Variants in DCDC1 observed in about 807,000 individuals in gnomAD.
DCDC1 encodes the protein doublecortin domain containing 1, also known as doublecortin domain-containing protein 1.
A neutral mutation model predicts 178.3 loss-of-function variants in DCDC1; 200 were observed. That is an observed-to-expected ratio of 1.12 (90% CI 1.00 to 1.26). DCDC1 has a LOEUF of 1.26. DCDC1 is among the 50% of genes most tolerant of loss of function. DCDC1 has a pLI of 0.00. For missense variants in DCDC1, 1,983 were observed against 1,749.2 expected (o/e 1.13, Z -2.38); for synonymous variants, 690 against 604.8 (o/e 1.14, Z -2.07).
At chr11:31,059,744 CAGA>C (rs1440607316) in intron 20 of DCDC1, among the ~76,000 whole-genome samples, 1 of 151,974 alleles carries the variant, frequency 6.6e-6, no homozygotes, top group East Asian at 1.9e-4. Flanking sequence ...ATTTACTCAG[CAGA>C]AGGAGGAGAA....
intron 20 of DCDC1, among the ~76,000 whole-genome samples, chr11:31,002,125 T>C (rs1434229269): frequency 2.0e-5 from 3 of 152,222 alleles, no homozygotes; most frequent in African/African-American, 7.2e-5. Context: ...ATGTTACTTT[T>C]AGAAGCCACC....
intron 9 of DCDC1, among the ~76,000 whole-genome samples, chr11:31,199,884 T>C (rs1174341856): frequency 1.3e-5 from 2 of 152,090 alleles, no homozygotes; most frequent in Non-Finnish European, 2.9e-5. Flanking sequence ...TGTTTTTTCA[T>C]CATATAGGAG....
At chr11:30,865,587 T>A (rs1188914508) in intron 38 of DCDC1, among the ~76,000 whole-genome samples, 1 of 152,146 alleles carries the variant, frequency 6.6e-6, no homozygotes, top group Non-Finnish European at 1.5e-5. Flanking sequence ...ATCAATGTTA[T>A]AAAAGGGGTC....
intron 35 of DCDC1, among the ~76,000 whole-genome samples, chr11:30,893,792 AT>A (rs1292481756): frequency 6.6e-6 from 1 of 152,152 alleles, no homozygotes; most frequent in Non-Finnish European, 1.5e-5. Flanking sequence ...TGACTTTTTT[AT>A]GTCTGGCAAT....
chr11:31,179,508 A>G (rs1968500879), intron 9 of DCDC1, among the ~76,000 whole-genome samples: 1 of 152,184 alleles, frequency 6.6e-6, no homozygotes, highest in African/African-American at 2.4e-5. Flanking sequence ...AAAGAAGGAA[A>G]TGCTGTCATT....
chr11:31,233,829 G>A (rs1192951610), intron 9 of DCDC1, among the ~76,000 whole-genome samples: 1 of 152,150 alleles, frequency 6.6e-6, no homozygotes, highest in Non-Finnish European at 1.5e-5. Context: ...TGGAGTATCT[G>A]ACCGAATTTT....
intron 1 of DCDC1, among the ~76,000 whole-genome samples, chr11:31,358,107 CA>C (rs1348173029): frequency 6.7e-6 from 1 of 149,916 alleles, no homozygotes; most frequent in Non-Finnish European, 1.5e-5. Context: ...CATATGGAAC[CA>C]AAAAAGAGCC....
chr11:31,205,595 G>A (rs1971772923), intron 9 of DCDC1, among the ~76,000 whole-genome samples: 1 of 152,100 alleles, frequency 6.6e-6, no homozygotes, highest in African/African-American at 2.4e-5. Context: ...TTGTGTAAGT[G>A]CCAATATTAA....
intron 8 of DCDC1, among the ~76,000 whole-genome samples, chr11:31,250,415 C>CACACACACACACATATATATAT (rs1223526182): frequency 4.1e-5 from 3 of 73,672 alleles, no homozygotes; most frequent in Non-Finnish European, 5.7e-5. Flanking sequence ...CACACACACA[C>CACACACACACACATATATATAT]ATATACATAT....
intron 2 of DCDC1, among the ~76,000 whole-genome samples, chr11:31,334,890 C>T (rs768592202): frequency 4.6e-5 from 7 of 152,166 alleles, no homozygotes; most frequent in Non-Finnish European, 1.0e-4. Context: ...TCTGTCCATT[C>T]TCTGAGCTCA....
intron 9 of DCDC1, among the ~76,000 whole-genome samples, chr11:31,203,138 A>C (rs1037096035): frequency 5.3e-5 from 8 of 152,214 alleles, no homozygotes; most frequent in Non-Finnish European, 1.2e-4. Flanking sequence ...TAAAAAAATA[A>C]AATGTCATGA....
At chr11:31,103,522 C>A (rs888625920) in intron 14 of DCDC1, 122 bp downstream of exon 14, 1 of 551,420 alleles carries the variant, frequency 1.8e-6, no homozygotes. Flanking sequence ...GAAACAATTG[C>A]TTATTTAAGA....
intron 20 of DCDC1, among the ~76,000 whole-genome samples, chr11:31,010,664 A>G (rs1311366260): frequency 6.6e-6 from 1 of 152,220 alleles, no homozygotes; most frequent in Non-Finnish European, 1.5e-5. Context: ...ATTAAAGGTC[A>G]CTTTATGGTG....
intron 3 of DCDC1, among the ~76,000 whole-genome samples, chr11:31,312,472 T>C (rs1364259708): frequency 6.6e-6 from 1 of 152,126 alleles, no homozygotes; most frequent in African/African-American, 2.4e-5. Flanking sequence ...TTTCTGGGTG[T>C]GTCTGTGAGG....
At chr11:30,909,190 T>A in intron 28 of DCDC1, 74 bp from the exon 29 acceptor site, 1 of 1,338,442 alleles carries the variant, frequency 7.5e-7, no homozygotes, top group Non-Finnish European at 1.0e-6. Flanking sequence ...TCATTGCATA[T>A]ATCCAGAAAG....
intron 20 of DCDC1, among the ~76,000 whole-genome samples, chr11:31,043,956 A>C (rs1954650516): frequency 6.6e-6 from 1 of 152,040 alleles, no homozygotes; most frequent in Non-Finnish European, 1.5e-5. Flanking sequence ...ACCAGATTGC[A>C]GGAGTGTGGT....
chr11:31,097,049 G>GTTTTT (rs1958209194), intron 15 of DCDC1, among the ~76,000 whole-genome samples: 12 of 152,302 alleles, frequency 7.9e-5, no homozygotes, highest in African/African-American at 2.9e-4. Context: ...GTCTTACTGA[G>GTTTTT]AATCAAAACA....
rs575866565 is a variant in DCDC1, at chr11:30,969,328, G to C, written c.2592-16760C>G. ...AAGGAATTTTGACACTACAAAAGAG[G>C]AGAAGGCAATATGATCACAAAAGCA... On this transcript the variant is annotated intron_variant, in intron 20 of 38. Coordinates refer to ENST00000684477, the MANE Select transcript of DCDC1 (RefSeq NM_001387274.1). Among the ~76,000 whole-genome samples the C allele has an allele frequency of 3.3e-5, 5 of 152,240 alleles. No homozygotes were observed. The South Asian group carries it at 1.0e-3, about 32-fold the overall frequency.
chr11:30,944,235 C>T (rs954564141), intron 21 of DCDC1: 3 of 444,274 alleles, frequency 6.8e-6, no homozygotes, highest in Admixed American at 2.5e-5. Context: ...TGTCTCCTTC[C>T]TTTTCTTGTT....
Sources: allele counts gnomAD v4.1 joint callset (sites outside exome capture counted in the v4.1 genomes callset), GRCh38; gene constraint gnomAD v4.1.1; transcripts MANE v1.5; gene names NCBI Gene and HGNC (gene_info 2026-07-23, HGNC 2026-07-21).